Variants in UBR4 observed in about 807,000 individuals in gnomAD.
UBR4 encodes E3 ubiquitin-protein ligase UBR4.
Under a neutral mutation model 575.6 loss-of-function variants are expected in UBR4, and 124 were observed. That is an observed-to-expected ratio of 0.22 (90% CI 0.19 to 0.25). The LOEUF is 0.25. Among genes scored for constraint, UBR4 ranks in the 10% least tolerant of loss-of-function variants. The pLI is 1.00. For synonymous variants in UBR4, 2,455 were observed against 2,473.7 expected, an observed-to-expected ratio of 0.99 and a Z score of 0.22; for missense variants, 4,818 against 6,478.8, an observed-to-expected ratio of 0.74 and a Z score of 8.80.
intron 101 of UBR4, 80 bp downstream of exon 101, chr1:19,086,064 AG>A (rs1404400830): frequency 1.3e-6 from 2 of 1,542,424 alleles, no homozygotes; most frequent in Non-Finnish European, 1.8e-6. Flanking sequence ...TGGTGTCACC[AG>A]GGGATTGGGC....
chr1:19,134,689 CTTCA>C (rs1557725354), intron 60 of UBR4, among the ~76,000 whole-genome samples: 1 of 151,606 alleles, frequency 6.6e-6, no homozygotes, highest in Non-Finnish European at 1.5e-5. Flanking sequence ...TGGGGAAGGT[CTTCA>C]TTTTTTTTTT....
Position 19,152,236 on chromosome 1 carries a change from A to AAAG in UBR4, c.6996+74_6996+76dup. 3 of 1,568,926 alleles carry AAAG rather than the reference A, an allele frequency of 1.9e-6. No homozygotes were observed. ...GTATATACTCTATACTTGCTTTCTAAAAGGAGATGTGTTCTCAAACCATAT... is the reference window on the plus strand; with the variant it reads ...GTATATACTCTATACTTGCTTTCTAAAAGAAGGAGATGTGTTCTCAAACCATAT... On this transcript the variant is annotated intron_variant, in intron 47 of 105. Transcript: ENST00000375254. This position sits in a 1 kb window ranked among gnomAD's most constrained non-coding sequence, Gnocchi z 4.4.
chr1:19,160,840 G>T, intron 38 of UBR4, 77 bp downstream of exon 38: 1 of 1,368,216 alleles, frequency 7.3e-7, no homozygotes, highest in Non-Finnish European at 1.0e-6. Context: ...GGGGAGCCAT[G>T]TGCATTATTT....
chr1:19,087,988 G>C, intron 98 of UBR4, 59 bp from the exon 99 acceptor site: 1 of 1,353,592 alleles, frequency 7.4e-7, no homozygotes, highest in South Asian at 1.2e-5. Context: ...TCCCACCCTA[G>C]CTTGGAGATG....
At chr1:19,146,442 C>T (rs2084879584) in intron 52 of UBR4, among the ~76,000 whole-genome samples, 1 of 152,194 alleles carries the variant, frequency 6.6e-6, no homozygotes, top group Admixed American at 6.5e-5. Flanking sequence ...AAAGTTGCTA[C>T]ACATTATTAA....
chr1:19,155,943 C>T (rs2086385054), intron 42 of UBR4, among the ~76,000 whole-genome samples: 1 of 152,184 alleles, frequency 6.6e-6, no homozygotes, highest in South Asian at 2.1e-4. Flanking sequence ...GAACCAGAAT[C>T]AATTCCCTAT....
rs2078527769 is a variant in UBR4 at position 19,100,643 on chromosome 1, T to A, written c.13024-70A>T. ...GGAGATTTATACCATGCTACCTTGT[T>A]CCATGGACACTCGAGGAAAACACAC... is the stretch of plus-strand genomic sequence containing the variant. On this transcript the variant is annotated intron_variant, in intron 88 of 105. Transcript: ENST00000375254. The surrounding 1 kb of genome is among the most constrained non-coding windows in gnomAD (Gnocchi z 4.2). The A allele has an allele frequency of 1.4e-6, 2 of 1,473,054 alleles. No individual in the cohort carries two copies. Among genetic ancestry groups the A allele is most frequent in the Admixed American group, 3.4e-5 (2 of 58,502 alleles). The allele number at this position is 1,473,054 out of a possible 1,614,324, so 91.2% of individuals were successfully genotyped here.
chr1:19,163,652 T>C (rs1449499348), intron 34 of UBR4, 112 bp downstream of exon 34: 1 of 1,160,860 alleles, frequency 8.6e-7, no homozygotes, highest in Non-Finnish European at 1.3e-6. Flanking sequence ...GCCTTATCCT[T>C]GGTAGGCTAG....
chr1:19,192,679 C>A lies in UBR4; in HGVS notation c.1144-139G>T, dbSNP rs900188306. ...ATACATTCCATCGTACTTTCCTTGA[C>A]CTTCACATGGAGCTGACTCCCTCTT... On this transcript the variant is annotated intron_variant, in intron 9 of 105. Transcript: ENST00000375254. The A allele has an allele frequency of 1.6e-5, 14 of 895,298 alleles. No individual in the cohort carries two copies. In the African/African-American group the frequency reaches 2.3e-4, roughly 15 times the overall value. The allele number at this position is 895,298 out of a possible 1,614,324, so 55.5% of individuals were successfully genotyped here.
intron 55 of UBR4, among the ~76,000 whole-genome samples, chr1:19,141,993 C>T (rs2083997619): frequency 6.6e-6 from 1 of 152,126 alleles, no homozygotes; most frequent in South Asian, 2.1e-4. Flanking sequence ...CAGCTTGCCC[C>T]CCACAAAAAT....
intron 43 of UBR4, 44 bp downstream of exon 43, chr1:19,155,397 T>G (rs1463910342): frequency 1.3e-6 from 2 of 1,556,340 alleles, no homozygotes; most frequent in African/African-American, 2.7e-5. Flanking sequence ...AGTTGCTAAA[T>G]AATTAAATCC....
intron 60 of UBR4, among the ~76,000 whole-genome samples, chr1:19,135,289 A>C (rs1428490790): frequency 6.6e-6 from 1 of 152,160 alleles, no homozygotes; most frequent in African/African-American, 2.4e-5. Context: ...TCTTCATACC[A>C]TTATCACACT....
Position 19,168,078 on chromosome 1 carries a change from G to C in UBR4, c.3848C>G (p.Ser1283Cys). 2 of 1,613,902 alleles carry C rather than the reference G, an allele frequency of 1.2e-6. No homozygotes were observed. Among genetic ancestry groups the C allele is most frequent in the Non-Finnish European group, 1.7e-6 (2 of 1,179,802 alleles). ...LCSQSLPLAA[S>C]LKHTLLSLVR... is the part of the protein sequence containing the mutation. ...CAGTGAGAGGAGGGTATGCTTCAGG[G>C]AAGCAGCCAGGGGCAGACTTTGGCT... Residue 1283 changes from serine to cysteine, a missense_variant, in exon 28 of 106, where the codon TCC becomes TGC. Coordinates refer to ENST00000375254, the MANE Select transcript of UBR4 (RefSeq NM_020765.3).
intron 3 of UBR4, among the ~76,000 whole-genome samples, chr1:19,199,269 C>T (rs902515257): frequency 2.7e-4 from 41 of 152,164 alleles, no homozygotes; most frequent in African/African-American, 9.4e-4. Context: ...TTAGTTGGGA[C>T]CTGCAATCTT....
chr1:19,166,936 A>G, intron 29 of UBR4, 86 bp downstream of exon 29: 1 of 1,420,486 alleles, frequency 7.0e-7, no homozygotes, highest in Non-Finnish European at 9.9e-7. Flanking sequence ...ATAAGCTATT[A>G]ATGACCTAAA....
chr1:19,131,134 C>T (rs2082374715), intron 60 of UBR4, among the ~76,000 whole-genome samples: 1 of 151,478 alleles, frequency 6.6e-6, no homozygotes, highest in Admixed American at 6.6e-5. Context: ...ATCTCAAACT[C>T]CTAGGCTCAA....
rs371721119 is a variant in UBR4 at position 19,106,539 on chromosome 1, G to C, written c.12393+30C>G. 52 of 1,522,760 alleles carry C rather than the reference G, an allele frequency of 3.4e-5. 1 individual carries two copies. The African/African-American group carries it at 5.8e-4, about 17-fold the overall frequency. The allele number at this position is 1,522,760 out of a possible 1,614,324, so 94.3% of individuals were successfully genotyped here. ...TCAGAGTCTGGGGTCAGGGGCGCAG[G>C]GGGTGAAGAGTCCAGAAGTGGCCAC... On this transcript the variant is annotated intron_variant, in intron 83 of 105. Transcript: ENST00000375254.
At chr1:19,151,060 A>AG (rs2085620847) in intron 48 of UBR4, 2 of 519,380 alleles carry the variant, frequency 3.9e-6, no homozygotes, top group Non-Finnish European at 6.9e-6. Context: ...TCTGCTTCAG[A>AG]GTATTGTATC....
At chr1:19,149,691 G>C in intron 49 of UBR4, 2 of 1,233,608 alleles carry the variant, frequency 1.6e-6, no homozygotes, top group Non-Finnish European at 2.1e-6. Flanking sequence ...TCAATGCAAA[G>C]CCACACCATT....
Sources: gnomAD v4.1 joint callset for allele counts (sites outside exome capture counted in the v4.1 genomes callset) on GRCh38, gnomAD v4.1.1 for gene constraint, Gnocchi (gnomAD v3.1) non-coding constraint, MANE v1.5 for transcripts, NCBI Gene and HGNC (gene_info 2026-07-23, HGNC 2026-07-21) for gene names.